CEP112: variants seen among roughly 807,000 people sequenced by gnomAD.
CEP112 encodes the protein centrosomal protein 112.
CEP112 carries 127 observed loss-of-function variants against 153.0 expected under a neutral mutation model. The observed-to-expected ratio is 0.83, with a 90% CI of 0.72 to 0.96. The LOEUF (loss-of-function observed/expected upper bound fraction) is 0.96, where lower values mean the gene tolerates loss of function less well. Among genes scored for constraint, CEP112 ranks in the 40% least tolerant of loss-of-function variants. The pLI is 0.00. For missense variants in CEP112, 1,089 were observed against 1,101.2 expected (o/e 0.99, Z 0.16); for synonymous variants, 358 against 374.4 (o/e 0.96, Z 0.51).
chr17:66,114,159 TCTTG>T (rs769828917), intron 6 of CEP112, among the ~76,000 whole-genome samples: 1 of 152,366 alleles, frequency 6.6e-6, no homozygotes, highest in East Asian at 1.9e-4. Flanking sequence ...TTTGCACATT[TCTTG>T]CTTAACAGGC....
At chr17:66,122,540 C>A (rs2069650396) in intron 6 of CEP112, among the ~76,000 whole-genome samples, 1 of 152,076 alleles carries the variant, frequency 6.6e-6, no homozygotes, top group Non-Finnish European at 1.5e-5. Flanking sequence ...TGGAATCACC[C>A]CTCAGTGTAT....
At chr17:65,783,677 T>C (rs962709108) in intron 21 of CEP112, among the ~76,000 whole-genome samples, 7 of 152,246 alleles carry the variant, frequency 4.6e-5, no homozygotes, top group Non-Finnish European at 1.0e-4. Context: ...TAATATAATA[T>C]TCAAAATGTT....
rs539826932 is a variant in CEP112 at position 65,877,951 on chromosome 17, T to C, written c.2163+24201A>G. ...AAAAAGCCAGACACAGACAGACAAA[T>C]ACTATATGATGCCACTTATATGTGG... is the stretch of plus-strand genomic sequence containing the variant. On this transcript the variant is annotated intron_variant, in intron 20 of 26. Coordinates refer to ENST00000535342, the MANE Select transcript of CEP112 (RefSeq NM_001199165.4). 8.5e-5 allele frequency among the ~76,000 whole-genome samples: 13 copies of C among 152,206 alleles called. No individual in the cohort carries two copies. In the South Asian group the frequency reaches 2.7e-3, roughly 32 times the overall value.
At chr17:65,894,140 C>T (rs925855506) in intron 20 of CEP112, among the ~76,000 whole-genome samples, 2 of 152,014 alleles carry the variant, frequency 1.3e-5, no homozygotes, top group Admixed American at 6.6e-5. Flanking sequence ...GTAATTTCTT[C>T]GAGGCCTAGG....
At chr17:65,961,441 G>C in intron 18 of CEP112, 22 bp downstream of exon 18, 1 of 1,570,496 alleles carries the variant, frequency 6.4e-7, no homozygotes, top group South Asian at 1.2e-5. Context: ...TTTCAAAAGG[G>C]ATGGTGTGGC....
At chr17:66,138,847 T>C (rs781205954) in intron 4 of CEP112, among the ~76,000 whole-genome samples, 1 of 152,092 alleles carries the variant, frequency 6.6e-6, no homozygotes, top group Non-Finnish European at 1.5e-5. Flanking sequence ...TCCACAAATG[T>C]GTGAAAATTA....
chr17:66,133,510 T>C (rs756745452), intron 4 of CEP112, among the ~76,000 whole-genome samples: 7 of 152,186 alleles, frequency 4.6e-5, no homozygotes, highest in South Asian at 2.1e-4. Context: ...GCAGAGTAAG[T>C]AGGAAATGAG....
chr17:66,183,712 C>T (rs751007274), intron 1 of CEP112, among the ~76,000 whole-genome samples: 1 of 152,030 alleles, frequency 6.6e-6, no homozygotes, highest in Admixed American at 6.6e-5. Flanking sequence ...AAGGTGTGAT[C>T]CATGAAGAAA....
chr17:65,760,766 G>A (rs1293072000), intron 21 of CEP112, among the ~76,000 whole-genome samples: 1 of 152,062 alleles, frequency 6.6e-6, no homozygotes, highest in Non-Finnish European at 1.5e-5. Flanking sequence ...CTCACAGGAT[G>A]AGTTAGGAAT....
intron 23 of CEP112, among the ~76,000 whole-genome samples, chr17:65,700,186 C>T (rs2048558440): frequency 6.6e-6 from 1 of 151,774 alleles, no homozygotes; most frequent in African/African-American, 2.4e-5. Context: ...TCTTTCTATA[C>T]ACTGTGTCCT....
At chr17:65,736,189 C>T (rs2050794421) in intron 23 of CEP112, among the ~76,000 whole-genome samples, 1 of 120,972 alleles carries the variant, frequency 8.3e-6, no homozygotes, top group Admixed American at 9.0e-5. Flanking sequence ...TAGGAGTTTT[C>T]TCTAGGAACT....
At chr17:65,839,799 G>T (rs557750857) in intron 21 of CEP112, among the ~76,000 whole-genome samples, 1 of 151,916 alleles carries the variant, frequency 6.6e-6, no homozygotes, top group Admixed American at 6.6e-5. Context: ...AATAATGTTA[G>T]AACCAGTAAA....
chr17:65,917,035 C>T (rs1474023614), intron 19 of CEP112, among the ~76,000 whole-genome samples: 3 of 152,204 alleles, frequency 2.0e-5, no homozygotes, highest in African/African-American at 7.2e-5. Context: ...GGCCCAGGCT[C>T]TATAGCCTCA....
Position 66,120,200 on chromosome 17 carries a change from GGTTTTT to G in CEP112, c.642+9540_642+9545del, listed in dbSNP as rs1456042975. On this transcript the variant is annotated intron_variant, in intron 6 of 26. Coordinates refer to ENST00000535342, the MANE Select transcript of CEP112 (RefSeq NM_001199165.4). ...AGGCCTGAAATTTTCTTTGTTGGGA[GGTTTTT>G]GTTTTTGTTTTTGAGATGGAGTCTC... Among the ~76,000 whole-genome samples the G allele has an allele frequency of 1.4e-4, 21 of 152,024 alleles. No individual in the cohort carries two copies. The South Asian group carries it at 4.2e-3, about 30-fold the overall frequency.
At chr17:65,997,336 A>G (rs1004492639) in intron 17 of CEP112, among the ~76,000 whole-genome samples, 17 of 152,180 alleles carry the variant, frequency 1.1e-4, no homozygotes, top group African/African-American at 4.1e-4. Flanking sequence ...TCTAGGCGAG[A>G]AAAACTCTCA....
intron 8 of CEP112, among the ~76,000 whole-genome samples, chr17:66,093,366 A>G (rs1482648213): frequency 6.6e-6 from 1 of 151,972 alleles, no homozygotes; most frequent in Non-Finnish European, 1.5e-5. Context: ...ATTGTATCCA[A>G]ATTGGAAAGG....
At chr17:65,777,385 C>T (rs903926638) in intron 21 of CEP112, among the ~76,000 whole-genome samples, 6 of 152,028 alleles carry the variant, frequency 3.9e-5, no homozygotes, top group African/African-American at 1.4e-4. Flanking sequence ...ATGAATACAC[C>T]CCTGGTTTAT....
At chr17:65,828,664 A>C (rs1268136094) in intron 21 of CEP112, among the ~76,000 whole-genome samples, 1 of 148,918 alleles carries the variant, frequency 6.7e-6, no homozygotes. Flanking sequence ...TAACTAGTAT[A>C]TAAAGAATCA....
At chr17:65,656,397 C>T (rs2046066605) in intron 24 of CEP112, among the ~76,000 whole-genome samples, 1 of 152,208 alleles carries the variant, frequency 6.6e-6, no homozygotes, top group Non-Finnish European at 1.5e-5. Flanking sequence ...GTTAGATTTT[C>T]TGTCACTTGC....
Sources: gnomAD v4.1 joint callset for allele counts (sites outside exome capture counted in the v4.1 genomes callset) on GRCh38, gnomAD v4.1.1 for gene constraint, MANE v1.5 for transcripts, NCBI Gene and HGNC (gene_info 2026-07-23, HGNC 2026-07-21) for gene names.